SH3KBP1: variants seen among roughly 807,000 people sequenced by gnomAD.
SH3KBP1 encodes SH3 domain containing kinase binding protein 1, also known as SH3 domain-containing kinase-binding protein 1.
SH3KBP1 carries 8 observed loss-of-function variants against 50.1 expected under a neutral mutation model. That is an observed-to-expected ratio of 0.16 (90% CI 0.09 to 0.29). The LOEUF (loss-of-function observed/expected upper bound fraction) is 0.29. Among genes scored for constraint, SH3KBP1 ranks in the 10% least tolerant of loss-of-function variants. The pLI is 1.00. For synonymous variants in SH3KBP1, 227 were observed against 218.6 expected (o/e 1.04, Z -0.34); for missense variants, 377 against 535.2 (o/e 0.70, Z 2.92).
chrX:19,759,895 G>A (rs750950146), intron 2 of SH3KBP1, among the ~76,000 whole-genome samples: 1 of 110,769 alleles, frequency 9.0e-6, no homozygotes, highest in Non-Finnish European at 1.9e-5. Context: ...TTCTTACATT[G>A]CTTAAAACCA....
At chrX:19,820,949 T>C (rs1040835995) in intron 2 of SH3KBP1, among the ~76,000 whole-genome samples, 4 of 111,837 alleles carry the variant, frequency 3.6e-5, no homozygotes, top group African/African-American at 1.3e-4. Flanking sequence ...CCTATTTCAG[T>C]GAAGTGTAAA....
chrX:19,580,685 C>T (rs977074654), intron 12 of SH3KBP1, among the ~76,000 whole-genome samples: 19 of 111,507 alleles, frequency 1.7e-4, no homozygotes, highest in African/African-American at 5.2e-4. Context: ...ACCCGTGATT[C>T]GGATGCACGC....
chrX:19,660,630 T>G lies in SH3KBP1; in HGVS notation c.727-15155A>C, dbSNP rs138033366. Among the ~76,000 whole-genome samples the G allele has an allele frequency of 6.1e-3, 686 of 111,735 alleles. 1 individual carries two copies. The highest frequency in any genetic ancestry group is 9.6e-3 in the Non-Finnish European group (509 of 53,145). On this transcript the variant is annotated intron_variant, in intron 6 of 17. Transcript: ENST00000397821. The stretch of plus-strand genomic sequence containing the variant: ...GCTGGAAGACCATCCCAGGAGCCCC[T>G]CAAGTGCGGGTCCATGCCAACCGCT...
At position 19,588,558 on chromosome X, in the gene SH3KBP1, C is replaced by T. The variant is rs766367871; in HGVS notation, c.1298+85G>A. ...CACCCCCTTCTCCTCTCCCTTCCTC[C>T]CAAGGTCTGTGGCAGTCAGTTCCCC... On this transcript the variant is annotated intron_variant, in intron 12 of 17. Transcript: ENST00000397821. The T allele has an allele frequency of 5.0e-6, 6 of 1,208,263 alleles. No individual in the cohort carries two copies. The African/African-American group carries it at 1.1e-4, about 21-fold the overall frequency.
At chrX:19,758,471 T>G (rs1264909705) in intron 2 of SH3KBP1, among the ~76,000 whole-genome samples, 1 of 111,441 alleles carries the variant, frequency 9.0e-6, no homozygotes, top group Non-Finnish European at 1.9e-5. Flanking sequence ...TCCAGCTTTC[T>G]TTGGTGCCCA....
rs2065882044 is a variant in SH3KBP1 at position 19,567,541 on chromosome X, A to ATATAT, written c.1384+1561_1384+1562insATATA. 1.1e-4 allele frequency among the ~76,000 whole-genome samples: 8 copies of ATATAT among 69,764 alleles called. 2 individuals carry two copies. Among genetic ancestry groups the ATATAT allele is most frequent in the African/African-American group, 5.7e-4 (8 of 14,070 alleles). The allele number at this position is 69,764 out of a possible 115,157, so 60.6% of individuals were successfully genotyped here. On this transcript the variant is annotated intron_variant, in intron 13 of 17. Coordinates refer to ENST00000397821, the MANE Select transcript of SH3KBP1 (RefSeq NM_031892.3). ...CTCAAAAAAAAAAAAAAAAAAAAAA[A>ATATAT]AAAAAAAAAAAAAAAAATATATATA...
intron 1 of SH3KBP1, among the ~76,000 whole-genome samples, chrX:19,872,863 A>G (rs959716212): frequency 9.2e-6 from 1 of 108,956 alleles, no homozygotes; most frequent in African/African-American, 3.4e-5. Flanking sequence ...ACACACACAC[A>G]CAGAGCACAT....
intron 4 of SH3KBP1, among the ~76,000 whole-genome samples, chrX:19,696,552 G>A (rs189271715): frequency 3.6e-5 from 4 of 111,254 alleles, no homozygotes; most frequent in East Asian, 5.6e-4. Context: ...AGGCTGAGTC[G>A]GGGGAGCAGT....
intron 2 of SH3KBP1, among the ~76,000 whole-genome samples, chrX:19,784,768 C>T (rs1198623537): frequency 1.8e-5 from 2 of 110,571 alleles, no homozygotes; most frequent in African/African-American, 3.3e-5. Context: ...CCACACCTGA[C>T]TAATTTTTAT....
At chrX:19,823,535 C>T (rs967178656) in intron 2 of SH3KBP1, among the ~76,000 whole-genome samples, 5 of 112,078 alleles carry the variant, frequency 4.5e-5, no homozygotes, top group Non-Finnish European at 7.5e-5. Context: ...AGCAGCAAGT[C>T]CTCCTCTGAC....
At chrX:19,782,711 T>C (rs920835086) in intron 2 of SH3KBP1, among the ~76,000 whole-genome samples, 13 of 112,091 alleles carry the variant, frequency 1.2e-4, no homozygotes, top group African/African-American at 3.6e-4. Context: ...TGACAGTTCA[T>C]GAGGCTTTTC....
chrX:19,834,447 C>T lies in SH3KBP1; in HGVS notation c.162+1678G>A, dbSNP rs62589440. ...GACAACCCATTCTTCTGAGAACAAT[C>T]CATTCTTCTCCAGTATGAGATAGAA... On this transcript the variant is annotated intron_variant, in intron 2 of 17. Transcript: ENST00000397821. Among the ~76,000 whole-genome samples the T allele has an allele frequency of 5.4e-3, 604 of 112,259 alleles. 2 individuals are homozygous for T. Among genetic ancestry groups the T allele is most frequent in the Non-Finnish European group, 8.4e-3 (447 of 53,208 alleles).
At chrX:19,741,554 T>A (rs2148806242) in intron 3 of SH3KBP1, among the ~76,000 whole-genome samples, 1 of 111,726 alleles carries the variant, frequency 9.0e-6, no homozygotes, top group South Asian at 3.7e-4. Context: ...CAATAGAGAC[T>A]TACCAAACAC....
intron 2 of SH3KBP1, among the ~76,000 whole-genome samples, chrX:19,778,965 C>T (rs958792050): frequency 2.7e-5 from 3 of 109,384 alleles, no homozygotes; most frequent in Non-Finnish European, 1.9e-5. Context: ...TCATTATTTG[C>T]TCATTCATTT....
intron 7 of SH3KBP1, among the ~76,000 whole-genome samples, chrX:19,643,310 T>A (rs1050343843): frequency 4.6e-5 from 4 of 87,644 alleles, no homozygotes; most frequent in East Asian, 2.9e-4. Flanking sequence ...ATTTTTTATT[T>A]TTTTTTTTTT....
chrX:19,845,697 G>A (rs1026687848), intron 1 of SH3KBP1, among the ~76,000 whole-genome samples: 18 of 105,788 alleles, frequency 1.7e-4, no homozygotes, highest in African/African-American at 6.2e-4. Flanking sequence ...TGCAACCTCC[G>A]CCTCCCAAGT....
chrX:19,673,014 C>T (rs1047239130), intron 6 of SH3KBP1, among the ~76,000 whole-genome samples: 57 of 98,023 alleles, frequency 5.8e-4, no homozygotes, highest in Middle Eastern at 5.3e-3. Flanking sequence ...TGCAGTGAGC[C>T]GAGATGGCGC....
chrX:19,685,446 G>A (rs902344318), intron 5 of SH3KBP1, among the ~76,000 whole-genome samples: 2 of 111,769 alleles, frequency 1.8e-5, no homozygotes, highest in Non-Finnish European at 3.8e-5. Flanking sequence ...CCAAAAGGGT[G>A]GGGGAGGAGG....
rs1418807395 is a variant in SH3KBP1 at position 19,793,313 on chromosome X, A to AAAATATATATAT, written c.162+42811_162+42812insATATATATATTT. The stretch of plus-strand genomic sequence containing the variant: ...CAAGACATTGTCTCAAGGAAAAAAA[A>AAAATATATATAT]ATATATATATATATATATATATATC... On this transcript the variant is annotated intron_variant, in intron 2 of 17. Transcript: ENST00000397821. Among the ~76,000 whole-genome samples the AAAATATATATAT allele has an allele frequency of 3.0e-3, 291 of 96,938 alleles. 4 individuals are homozygous for AAAATATATATAT. The highest frequency in any genetic ancestry group is 0.011 in the African/African-American group (283 of 25,683). 84.2% of individuals were successfully genotyped at this position (96,938 alleles called of 115,157 possible).
Sources: gnomAD v4.1 joint callset for allele counts (sites outside exome capture counted in the v4.1 genomes callset) on GRCh38, gnomAD v4.1.1 for gene constraint, MANE v1.5 for transcripts, NCBI Gene and HGNC (gene_info 2026-07-23, HGNC 2026-07-21) for gene names.